RGCC: variants seen among roughly 807,000 people sequenced by gnomAD.
RGCC encodes the protein regulator of cell cycle.
A neutral mutation model predicts 15.4 loss-of-function variants in RGCC; 15 were observed. That is an observed-to-expected ratio of 0.97 (90% CI 0.65 to 1.50). RGCC has a LOEUF of 1.50. Ranked by LOEUF, RGCC falls within the 40% of genes most tolerant of loss-of-function variation. The pLI is 0.00. For missense variants in RGCC, 176 were observed against 189.7 expected (o/e 0.93, Z 0.42); for synonymous variants, 81 against 78.0 (o/e 1.04, Z -0.20).
intron 2 of RGCC, among the ~76,000 whole-genome samples, chr13:41,463,566 C>T (rs1021608078): frequency 2.0e-5 from 3 of 151,768 alleles, no homozygotes; most frequent in East Asian, 1.9e-4. Flanking sequence ...CCTCTGTTTG[C>T]GTGTGTTTCT....
chr13:41,470,529 G>C lies in RGCC; in HGVS notation c.*44G>C, dbSNP rs754924013. ...CTTTCATCATAAGGGAGAAGCTTCA[G>C]AAAGTTCCGAGGACCTGCTAAAATC... is the stretch of plus-strand genomic sequence containing the variant. On this transcript the variant is annotated 3_prime_UTR_variant, in exon 5 of 5. Coordinates refer to ENST00000379359, the MANE Select transcript of RGCC (RefSeq NM_014059.3). 1.9e-6 allele frequency: 3 copies of C among 1,606,010 alleles called. No homozygotes were observed. Among genetic ancestry groups the C allele is most frequent in the Non-Finnish European group, 2.6e-6 (3 of 1,172,714 alleles).
At position 41,458,714 on chromosome 13, in the gene RGCC, C is replaced by T. The variant is rs1161365210; in HGVS notation, c.235+244C>T. 1.8e-4 allele frequency among the ~76,000 whole-genome samples: 28 copies of T among 152,204 alleles called. No homozygotes were observed. Among genetic ancestry groups the T allele is most frequent in the Non-Finnish European group, 2.9e-5 (2 of 68,006 alleles). ...GCAGGCGAGTTTAAGCAGCTTGTCC[C>T]GACTCAGCCAGACAGGACTCCCTGG... On this transcript the variant is annotated intron_variant, in intron 2 of 4. Transcript: ENST00000379359. This position sits in a 1 kb window ranked among gnomAD's most constrained non-coding sequence, Gnocchi z 4.4.
At chr13:41,466,110 TCACA>T (rs891488953) in intron 2 of RGCC, among the ~76,000 whole-genome samples, 2 of 150,576 alleles carry the variant, frequency 1.3e-5, no homozygotes, top group Non-Finnish European at 3.0e-5. Flanking sequence ...TCACATGCTC[TCACA>T]CACACACTCT....
At chr13:41,467,303 G>A (rs1174622265) in intron 3 of RGCC, among the ~76,000 whole-genome samples, 1 of 152,224 alleles carries the variant, frequency 6.6e-6, no homozygotes, top group Non-Finnish European at 1.5e-5. Flanking sequence ...TTTGCAGATA[G>A]TGGGATTCTT....
Position 41,458,615 on chromosome 13 carries a change from C to A in RGCC, c.235+145C>A, listed in dbSNP as rs1593574756. 1.0e-6 allele frequency: 1 copy of A among 961,074 alleles called. No homozygotes were observed. Among genetic ancestry groups the A allele is most frequent in the South Asian group, 1.7e-5 (1 of 57,802 alleles). The allele number at this position is 961,074 out of a possible 1,614,324, so 59.5% of individuals were successfully genotyped here. ...CGCAGTAGGCCGAGTGGTGGCGGGGCCCCTGACGATAATCACGGGAAAGGT... is the reference window on the plus strand; with the variant it reads ...CGCAGTAGGCCGAGTGGTGGCGGGGACCCTGACGATAATCACGGGAAAGGT... On this transcript the variant is annotated intron_variant, in intron 2 of 4. Coordinates refer to ENST00000379359, the MANE Select transcript of RGCC (RefSeq NM_014059.3). The surrounding 1 kb of genome is among the most constrained non-coding windows in gnomAD (Gnocchi z 4.4).
At chr13:41,469,907 C>T (rs1463349531) in intron 4 of RGCC, among the ~76,000 whole-genome samples, 1 of 152,196 alleles carries the variant, frequency 6.6e-6, no homozygotes, top group Non-Finnish European at 1.5e-5. Flanking sequence ...ACTCCAGCTT[C>T]TGGGATGGAA....
At position 41,470,488 on chromosome 13, in the gene RGCC, C is replaced by T; in HGVS notation, c.*3C>T. ...ATCTCTCATTTACAGGTATGTGAAA[C>T]AAGAAGTTCTGGGTCCTTTCATCAT... On this transcript the variant is annotated 3_prime_UTR_variant, in exon 5 of 5. Transcript: ENST00000379359. 6.2e-7 allele frequency: 1 copy of T among 1,613,758 alleles called. No homozygotes were observed.
Position 41,468,879 on chromosome 13 carries a change from C to A in RGCC, c.406+41C>A, listed in dbSNP as rs554035177. On this transcript the variant is annotated intron_variant, in intron 4 of 4. Coordinates refer to ENST00000379359, the MANE Select transcript of RGCC (RefSeq NM_014059.3). The stretch of plus-strand genomic sequence containing the variant: ...ATATTAAAAACAAAAAAACAAAAAA[C>A]TAACAGACACTTCTGATAAAGTGTT... 40 of 1,363,248 alleles carry A rather than the reference C, an allele frequency of 2.9e-5. No homozygotes were observed. In the African/African-American group the frequency reaches 5.1e-4, roughly 17 times the overall value. The allele number at this position is 1,363,248 out of a possible 1,614,324, so 84.4% of individuals were successfully genotyped here. A position where few individuals can be genotyped will look rare whatever the true frequency, so the allele number is the denominator to read the frequency against.
rs1386076266 is a variant in RGCC, at chr13:41,457,934, C to CA, written c.49+179dup. 6.6e-6 allele frequency among the ~76,000 whole-genome samples: 1 copy of CA among 152,036 alleles called. No homozygotes were observed. Among genetic ancestry groups the CA allele is most frequent in the Non-Finnish European group, 1.5e-5 (1 of 67,966 alleles). ...CTCCTTTCCGGCCCGGGCTGGCCCC[C>CA]ATGTCCCACCTTCCCTCCACCACCA... On this transcript the variant is annotated intron_variant, in intron 1 of 4. Coordinates refer to ENST00000379359, the MANE Select transcript of RGCC (RefSeq NM_014059.3). The surrounding 1 kb of genome is among the most constrained non-coding windows in gnomAD (Gnocchi z 4.9).
In RGCC at chr13:41,466,837, T is replaced by C. The variant is rs752019887; in HGVS notation, c.250T>C (p.Tyr84His). 8.7e-5 allele frequency: 140 copies of C among 1,612,986 alleles called. 1 individual carries two copies. The South Asian group carries it at 1.2e-3, about 14-fold the overall frequency. ...FSDSESADSL[Y>H]RNSFSFSDEK... Reference sequence around the variant, plus strand: ...CTTCCTGAAAGGTGCAGATTCACTTTATAGGAACAGCTTCAGCTTCAGTGA... The same window carrying C: ...CTTCCTGAAAGGTGCAGATTCACTTCATAGGAACAGCTTCAGCTTCAGTGA... The change falls in exon 3 of 5, where the codon TAT becomes CAT. Residue 84 changes from tyrosine to histidine, a missense_variant. Transcript: ENST00000379359.
chr13:41,458,174 G>A lies in RGCC; in HGVS notation c.50-111G>A. 1.1e-6 allele frequency: 1 copy of A among 881,582 alleles called. No homozygotes were observed. The highest frequency in any genetic ancestry group is 1.7e-5 in the South Asian group (1 of 57,376). 54.6% of individuals were successfully genotyped at this position (881,582 alleles called of 1,614,324 possible). A position where few individuals can be genotyped will look rare whatever the true frequency, so the allele number is the denominator to read the frequency against. On this transcript the variant is annotated intron_variant, in intron 1 of 4. Coordinates refer to ENST00000379359, the MANE Select transcript of RGCC (RefSeq NM_014059.3). The surrounding 1 kb of genome is among the most constrained non-coding windows in gnomAD (Gnocchi z 4.4). ...GACTGCGTGGCTGTCACTTGGCAGAGGCGCCAAGTGTCAGTTATCTTCGGG... is the reference window on the plus strand; with the variant it reads ...GACTGCGTGGCTGTCACTTGGCAGAAGCGCCAAGTGTCAGTTATCTTCGGG...
At position 41,458,071 on chromosome 13, in the gene RGCC, TCA is replaced by T. The variant is rs1205502168; in HGVS notation, c.50-213_50-212del. Among the ~76,000 whole-genome samples, 1 of 152,166 alleles carries T rather than the reference TCA, an allele frequency of 6.6e-6. No homozygotes were observed. Among genetic ancestry groups the T allele is most frequent in the Non-Finnish European group, 1.5e-5 (1 of 68,018 alleles). Reference sequence around the variant, plus strand: ...GGGTGACCCTGGGCCTGGCGAAGGCTCAGTTTTCTTGTCTGTAAAACGGACTT... The same window carrying T: ...GGGTGACCCTGGGCCTGGCGAAGGCTGTTTTCTTGTCTGTAAAACGGACTT... On this transcript the variant is annotated intron_variant, in intron 1 of 4. Coordinates refer to ENST00000379359, the MANE Select transcript of RGCC (RefSeq NM_014059.3). This position sits in a 1 kb window ranked among gnomAD's most constrained non-coding sequence, Gnocchi z 4.4.
In RGCC at chr13:41,458,381, G is replaced by A; in HGVS notation, c.146G>A (p.Arg49His). The change falls in exon 2 of 5, where the codon CGC becomes CAC. Residue 49 changes from arginine (R) to histidine (H), a missense_variant. Coordinates refer to ENST00000379359, the MANE Select transcript of RGCC (RefSeq NM_014059.3). The surrounding 1 kb of genome is among the most constrained non-coding windows in gnomAD (Gnocchi z 4.4). The stretch of plus-strand genomic sequence containing the variant: ...GACTTCGCGTCGCCCTTCCACGAGC[G>A]CCACTTCCACTACGAGGAGCACCTG... The part of the protein sequence containing the change: ...LADFASPFHE[R>H]HFHYEEHLER... 1 of 1,598,334 alleles carries A rather than the reference G, an allele frequency of 6.3e-7. No homozygotes were observed.
At position 41,469,709 on chromosome 13, in the gene RGCC, G is replaced by A. The variant is rs377578779; in HGVS notation, c.407-769G>A. 1.1e-4 allele frequency among the ~76,000 whole-genome samples: 17 copies of A among 152,292 alleles called. No homozygotes were observed. In the South Asian group the frequency reaches 2.7e-3, roughly 24 times the overall value. ...CCAGTGACTGAATGACCTGGATTAG[G>A]TATGCATACTTGCAAGCCTCTTATT... On this transcript the variant is annotated intron_variant, in intron 4 of 4. Transcript: ENST00000379359.
At chr13:41,463,249 C>T (rs1467079414) in intron 2 of RGCC, among the ~76,000 whole-genome samples, 1 of 152,004 alleles carries the variant, frequency 6.6e-6, no homozygotes, top group Non-Finnish European at 1.5e-5. Context: ...CTTGAGGGCT[C>T]TCTTTTCATC....
chr13:41,470,593 C>T lies in RGCC; in HGVS notation c.*108C>T. On this transcript the variant is annotated 3_prime_UTR_variant, in exon 5 of 5. Coordinates refer to ENST00000379359, the MANE Select transcript of RGCC (RefSeq NM_014059.3). ...TGCTGCCAGAGGGGACAAAGACGTG[C>T]ACTCAACCTTCTACCAGGCCACTCT... The T allele has an allele frequency of 9.1e-7, 1 of 1,101,938 alleles. No individual in the cohort carries two copies. The highest frequency in any genetic ancestry group is 1.3e-5 in the South Asian group (1 of 79,444). 68.3% of individuals were successfully genotyped at this position (1,101,938 alleles called of 1,614,324 possible).
At chr13:41,469,283 T>TAAG (rs1232529655) in intron 4 of RGCC, among the ~76,000 whole-genome samples, 60 of 115,790 alleles carry the variant, frequency 5.2e-4, no homozygotes, top group East Asian at 2.0e-3. Flanking sequence ...ATAATAATAA[T>TAAG]AATAATAATA....
chr13:41,458,241 G>T lies in RGCC; in HGVS notation c.50-44G>T. 1 of 1,486,996 alleles carries T rather than the reference G, an allele frequency of 6.7e-7. No homozygotes were observed. The highest frequency in any genetic ancestry group is 1.4e-5 in the African/African-American group (1 of 72,088). The allele number at this position is 1,486,996 out of a possible 1,614,324, so 92.1% of individuals were successfully genotyped here. On this transcript the variant is annotated intron_variant, in intron 1 of 4. Transcript: ENST00000379359. This position sits in a 1 kb window ranked among gnomAD's most constrained non-coding sequence, Gnocchi z 4.4. ...CCTGGCCCTGGGAGGTGGTCCCGCT[G>T]CCCCCCTGACTTCCGTGCACTGAGC...
intron 2 of RGCC, among the ~76,000 whole-genome samples, chr13:41,465,683 G>A (rs762307662): frequency 6.6e-6 from 1 of 152,128 alleles, no homozygotes; most frequent in Non-Finnish European, 1.5e-5. Flanking sequence ...AATAGAGGGA[G>A]CCATGATGTC....
Sources: gnomAD v4.1 joint callset for allele counts (sites outside exome capture counted in the v4.1 genomes callset) on GRCh38, gnomAD v4.1.1 for gene constraint, Gnocchi (gnomAD v3.1) non-coding constraint, MANE v1.5 for transcripts, NCBI Gene and HGNC (gene_info 2026-07-23, HGNC 2026-07-21) for gene names.